Variants in NEBL observed in about 807,000 individuals in gnomAD.
NEBL encodes the protein LIM and SH3 protein 2.
A neutral mutation model predicts 140.2 loss-of-function variants in NEBL; 122 were observed. The observed-to-expected ratio is 0.87, with a 90% confidence interval of 0.75 to 1.01. The LOEUF (loss-of-function observed/expected upper bound fraction) is 1.01, where lower values mean the gene tolerates loss of function less well. NEBL is among the 50% of genes least tolerant of loss of function. The probability of loss-of-function intolerance (pLI) is 0.00; values close to 1 mark genes in which losing one functional copy is unlikely to be tolerated. For synonymous variants in NEBL, 436 were observed against 398.9 expected, an observed-to-expected ratio of 1.09 and a Z score of -1.11; for missense variants, 1,365 against 1,231.3, an observed-to-expected ratio of 1.11 and a Z score of -1.62.
At chr10:21,233,807 G>T (rs11012600) in intron 3 of NEBL, among the ~76,000 whole-genome samples, 1 of 135,502 alleles carries the variant, frequency 7.4e-6, no homozygotes, top group African/African-American at 2.9e-5. Flanking sequence ...TACATATATA[G>T]ATATATATTA....
At chr10:21,002,509 T>C (rs1311516513) in intron 3 of NEBL, among the ~76,000 whole-genome samples, 3 of 152,334 alleles carry the variant, frequency 2.0e-5, no homozygotes, top group East Asian at 3.9e-4. Context: ...AAAATTGTAT[T>C]AGTCCATTCT....
chr10:21,062,143 A>G (rs1465668859), intron 2 of NEBL, among the ~76,000 whole-genome samples: 2 of 152,240 alleles, frequency 1.3e-5, no homozygotes, highest in East Asian at 3.8e-4. Context: ...AGTCTGACTT[A>G]TATTTTATGT....
Position 21,190,995 on chromosome 10 carries a change from T to C in NEBL, n.349-18518A>G, listed in dbSNP as rs547763024. On this transcript the variant is annotated intron_variant and non_coding_transcript_variant, in intron 3 of 8. Coordinates refer to the NEBL transcript ENST00000675702. ...GGAACTAGGCATTGCTTTCTGTTCA[T>C]TTGTTCCTTTAGAAGTGTTCCCCCA... is the stretch of plus-strand genomic sequence containing the variant. Among the ~76,000 whole-genome samples the C allele has an allele frequency of 2.6e-5, 4 of 152,360 alleles. No individual in the cohort carries two copies. The South Asian group carries it at 8.3e-4, about 32-fold the overall frequency.
intron 1 of NEBL, among the ~76,000 whole-genome samples, chr10:21,268,077 C>G (rs1842818023): frequency 6.6e-6 from 1 of 152,152 alleles, no homozygotes; most frequent in South Asian, 2.1e-4. Flanking sequence ...CTAGGATTGC[C>G]TTGGTCTTAG....
chr10:21,271,526 C>CT (rs541717448), intron 1 of NEBL, among the ~76,000 whole-genome samples: 1,831 of 140,964 alleles, frequency 0.013, 22 homozygotes, highest in South Asian at 0.031. Context: ...GTAAACAGAT[C>CT]TTTTTTTTTT....
At chr10:20,814,078 A>G in intron 22 of NEBL, 35 bp from the exon 23 acceptor site, 1 of 1,240,918 alleles carries the variant, frequency 8.1e-7, no homozygotes, top group Non-Finnish European at 1.2e-6. Context: ...GACAATGATA[A>G]GAAAACACAT....
At chr10:20,881,429 A>G (rs1266589747) in intron 4 of NEBL, among the ~76,000 whole-genome samples, 1 of 152,200 alleles carries the variant, frequency 6.6e-6, no homozygotes, top group Non-Finnish European at 1.5e-5. Context: ...CATTAGGGAA[A>G]TGGACCAGTG....
At chr10:21,049,204 G>A (rs1834655144) in intron 2 of NEBL, among the ~76,000 whole-genome samples, 1 of 152,130 alleles carries the variant, frequency 6.6e-6, no homozygotes, top group Non-Finnish European at 1.5e-5. Flanking sequence ...GCAACATATA[G>A]ACAGGTGTTT....
intron 19 of NEBL, among the ~76,000 whole-genome samples, chr10:20,821,350 T>C (rs1216682508): frequency 2.0e-5 from 3 of 152,190 alleles, no homozygotes; most frequent in Non-Finnish European, 4.4e-5. Context: ...ACAACAATTA[T>C]ACAACAAGTA....
At chr10:21,264,730 A>AAAT (rs1842778554) in intron 1 of NEBL, among the ~76,000 whole-genome samples, 1 of 143,520 alleles carries the variant, frequency 7.0e-6, no homozygotes, top group Admixed American at 6.9e-5. Flanking sequence ...AAAAAAAAAA[A>AAAT]AAAGCCTTAC....
Position 21,131,814 on chromosome 10 carries a change from G to T in NEBL, c.164+40569C>A, listed in dbSNP as rs1839123167. On this transcript the variant is annotated intron_variant, in intron 2 of 6. Transcript: ENST00000417816. Reference sequence around the variant, plus strand: ...AATAAGAAAATGAAAGGTTCATTTGGCAAGGAGCTGGGTCCCAGTGCCCTT... The same window carrying T: ...AATAAGAAAATGAAAGGTTCATTTGTCAAGGAGCTGGGTCCCAGTGCCCTT... 2.0e-5 allele frequency among the ~76,000 whole-genome samples: 3 copies of T among 152,140 alleles called. No homozygotes were observed. In the South Asian group the frequency reaches 6.2e-4, roughly 32 times the overall value.
At chr10:21,018,590 A>T (rs551073556) in intron 3 of NEBL, among the ~76,000 whole-genome samples, 10 of 152,248 alleles carry the variant, frequency 6.6e-5, no homozygotes, top group African/African-American at 2.2e-4. Flanking sequence ...CCACTTGGAG[A>T]TTATTTCCTC....
At chr10:21,219,671 T>C (rs1411919254) in intron 3 of NEBL, among the ~76,000 whole-genome samples, 1 of 152,206 alleles carries the variant, frequency 6.6e-6, no homozygotes, top group Non-Finnish European at 1.5e-5. Flanking sequence ...ATAGATCGAT[T>C]TGAGTAGTAT....
intron 4 of NEBL, among the ~76,000 whole-genome samples, chr10:20,931,973 C>T (rs1254471510): frequency 6.6e-6 from 1 of 152,188 alleles, no homozygotes; most frequent in Non-Finnish European, 1.5e-5. Context: ...TGGTCTTCCT[C>T]ATCTAAGCTA....
At chr10:20,843,226 C>T (rs773976064) in intron 12 of NEBL, among the ~76,000 whole-genome samples, 165 of 151,946 alleles carry the variant, frequency 1.1e-3, no homozygotes, top group Admixed American at 5.3e-4. Context: ...GTCTGCAAGC[C>T]GGTAAGAGGG....
intron 4 of NEBL, among the ~76,000 whole-genome samples, chr10:20,956,838 G>A (rs1835829706): frequency 6.6e-6 from 1 of 152,034 alleles, no homozygotes; most frequent in African/African-American, 2.4e-5. Flanking sequence ...TCAGATTCAT[G>A]TAAGACCTAA....
At chr10:21,286,276 T>C (rs1324713067) in intron 1 of NEBL, among the ~76,000 whole-genome samples, 1 of 152,214 alleles carries the variant, frequency 6.6e-6, no homozygotes, top group Non-Finnish European at 1.5e-5. Context: ...ATTTCAGGAA[T>C]CTTTTTATCT....
chr10:20,858,793 G>A (rs1843364604), intron 8 of NEBL, among the ~76,000 whole-genome samples: 1 of 152,048 alleles, frequency 6.6e-6, no homozygotes, highest in African/African-American at 2.4e-5. Flanking sequence ...TTGATAGCAA[G>A]CATATCACAC....
At chr10:20,944,630 C>G (rs1372643628) in intron 4 of NEBL, among the ~76,000 whole-genome samples, 1 of 152,148 alleles carries the variant, frequency 6.6e-6, no homozygotes, top group African/African-American at 2.4e-5. Context: ...AACCTGAGAG[C>G]ATGTCTGAGA....
Sources: allele counts gnomAD v4.1 joint callset (sites outside exome capture counted in the v4.1 genomes callset), GRCh38; gene constraint gnomAD v4.1.1; transcripts MANE v1.5; gene names NCBI Gene and HGNC (gene_info 2026-07-23, HGNC 2026-07-21).